GPLD1: variants seen among roughly 807,000 people sequenced by gnomAD.
The protein encoded by GPLD1 is glycosylphosphatidylinositol specific phospholipase D1.
A neutral mutation model predicts 112.6 loss-of-function variants in GPLD1; 84 were observed. That is an observed-to-expected ratio of 0.75 (90% CI 0.63 to 0.89). The LOEUF is 0.89. Ranked by LOEUF, GPLD1 falls within the 40% of genes least tolerant of loss-of-function variation. The probability of loss-of-function intolerance (pLI) is 0.00; values close to 1 mark genes in which losing one functional copy is unlikely to be tolerated. For missense variants in GPLD1, 1,044 were observed against 1,051.5 expected, an observed-to-expected ratio of 0.99 and a Z score of 0.10; for synonymous variants, 386 against 403.8, an observed-to-expected ratio of 0.96 and a Z score of 0.53.
Position 24,445,826 on chromosome 6 carries a change from C to A in GPLD1, c.1826G>T (p.Gly609Val), listed in dbSNP as rs773603377. The A allele has an allele frequency of 1.4e-5, 22 of 1,609,920 alleles. No individual in the cohort carries two copies. The highest frequency in any genetic ancestry group is 5.0e-5 in the Admixed American group (3 of 59,932). The stretch of plus-strand genomic sequence containing the variant: ...CTCATCTCGGATGTGTAACAAATGG[C>A]CCAGCCTAGAATGAAGCACACTGGG... ...SPTWKNASRLGHLLHIRDEKK... is the reference protein window; with the variant it reads ...SPTWKNASRLVHLLHIRDEKK... Residue 609 changes from glycine to valine, a missense_variant, in exon 19 of 25, where the codon GGC (glycine) becomes GTC (valine). Coordinates refer to ENST00000230036, the MANE Select transcript of GPLD1 (RefSeq NM_001503.4).
intron 13 of GPLD1, among the ~76,000 whole-genome samples, chr6:24,455,785 T>C (rs114595400): frequency 3.9e-4 from 60 of 152,346 alleles, no homozygotes; most frequent in African/African-American, 1.1e-3. Context: ...TCCTTTATTG[T>C]TGTGATTATT....
rs983616976 is a variant in GPLD1 at position 24,442,398 on chromosome 6, G to A, written c.2020+3148C>T. On this transcript the variant is annotated intron_variant, in intron 20 of 24. Coordinates refer to ENST00000230036, the MANE Select transcript of GPLD1 (RefSeq NM_001503.4). ...AGTCTGCTGAGTAGCTAGGACCAGA[G>A]GTGCATGCCACCACATCTGGCTAAT... Among the ~76,000 whole-genome samples the A allele has an allele frequency of 1.9e-4, 28 of 146,538 alleles. No individual in the cohort carries two copies. The East Asian group carries it at 2.3e-3, about 12-fold the overall frequency.
chr6:24,495,082 G>C lies in GPLD1; in HGVS notation n.124C>G, dbSNP rs768533338. 3.3e-5 allele frequency: 43 copies of C among 1,318,458 alleles called. No homozygotes were observed. Among genetic ancestry groups the C allele is most frequent in the Middle Eastern group, 2.8e-4 (1 of 3,512 alleles). The allele number at this position is 1,318,458 out of a possible 1,614,324, so 81.7% of individuals were successfully genotyped here. A position where few individuals can be genotyped will look rare whatever the true frequency, so the allele number is the denominator to read the frequency against. The stretch of plus-strand genomic sequence containing the variant: ...GGCTGCCGCCTCCGCCCCCGCGCCG[G>C]CGGCCTGGTCCCTGCCTCCGGGCCT... On this transcript the variant is annotated non_coding_transcript_exon_variant, in exon 1 of 11. Transcript: ENST00000474784.
chr6:24,439,751 G>T (rs1762687349), intron 20 of GPLD1, among the ~76,000 whole-genome samples: 1 of 152,072 alleles, frequency 6.6e-6, no homozygotes, highest in African/African-American at 2.4e-5. Flanking sequence ...AAGAACTTTG[G>T]CTTTTAAAAG....
intron 20 of GPLD1, among the ~76,000 whole-genome samples, chr6:24,439,691 G>A (rs570291881): frequency 6.6e-6 from 1 of 152,168 alleles, no homozygotes; most frequent in African/African-American, 2.4e-5. Context: ...AAAAACTCAA[G>A]GTAATGTTGT....
At chr6:24,454,337 A>C in intron 13 of GPLD1, 136 bp from the exon 14 acceptor site, 1 of 520,822 alleles carries the variant, frequency 1.9e-6, no homozygotes, top group Non-Finnish European at 3.3e-6. Flanking sequence ...ACTGTTGTGA[A>C]TATTCACTTC....
chr6:24,437,264 C>A lies in GPLD1; in HGVS notation c.2046G>T (p.Leu682=). The A allele has an allele frequency of 1.2e-6, 2 of 1,613,904 alleles. No individual in the cohort carries two copies. Among genetic ancestry groups the A allele is most frequent in the South Asian group, 2.2e-5 (2 of 91,018 alleles). ...TYDDVSKVAF[L]TVTLHQGGAT... is the part of the protein sequence containing the mutation. The stretch of plus-strand genomic sequence containing the variant: ...CTCCGCCTTGGTGTAGGGTCACGGT[C>A]AGGAATGCCACCTTAGACACGTCAT... Residue 682 remains leucine (L), a synonymous_variant, in exon 21 of 25, where the codon CTG becomes CTT. Transcript: ENST00000230036.
intron 7 of GPLD1, among the ~76,000 whole-genome samples, chr6:24,468,528 A>G (rs1344022909): frequency 6.6e-6 from 1 of 151,898 alleles, no homozygotes; most frequent in Non-Finnish European, 1.5e-5. Flanking sequence ...TCTGGACTGA[A>G]CCAATGGACA....
At chr6:24,429,287 T>C (rs762155698) in intron 24 of GPLD1, among the ~76,000 whole-genome samples, 169 bp from the exon 25 acceptor site, 26 of 152,218 alleles carry the variant, frequency 1.7e-4, no homozygotes, top group Non-Finnish European at 3.2e-4. Context: ...CAGACCGCTT[T>C]CTCACATCTA....
chr6:24,462,037 A>T (rs1393537134), intron 11 of GPLD1, among the ~76,000 whole-genome samples: 1 of 152,196 alleles, frequency 6.6e-6, no homozygotes, highest in Non-Finnish European at 1.5e-5. Context: ...GGCTTCTCCC[A>T]ACACTGTCTC....
chr6:24,480,046 C>A, intron 2 of GPLD1, 87 bp from the exon 3 acceptor site: 2 of 783,966 alleles, frequency 2.6e-6, no homozygotes, highest in South Asian at 2.9e-5. Context: ...TGATGAGATG[C>A]TAGAAATATG....
intron 10 of GPLD1, among the ~76,000 whole-genome samples, chr6:24,465,707 T>C (rs1441147180): frequency 3.9e-5 from 6 of 152,132 alleles, no homozygotes; most frequent in Non-Finnish European, 8.8e-5. Flanking sequence ...CTACCTTATC[T>C]ATATTTCGGC....
chr6:24,479,823 G>A (rs1279063150), intron 3 of GPLD1, 58 bp downstream of exon 3: 9 of 879,312 alleles, frequency 1.0e-5, no homozygotes, highest in South Asian at 9.2e-5. Context: ...TAAAGTCATA[G>A]CTATTCCTAT....
intron 2 of GPLD1, among the ~76,000 whole-genome samples, chr6:24,482,183 T>G (rs1764225892): frequency 7.0e-6 from 1 of 143,246 alleles, no homozygotes; most frequent in Non-Finnish European, 1.5e-5. Context: ...CACTGTAACC[T>G]CTGCCTTCCG....
intron 13 of GPLD1, among the ~76,000 whole-genome samples, chr6:24,454,706 C>A (rs1384899252): frequency 6.6e-6 from 1 of 152,212 alleles, no homozygotes. Context: ...TTAGTAGAGG[C>A]TCCTAGATGA....
downstream of GPLD1, chr6:24,424,204 T>G (rs1762151601): frequency 7.1e-6 from 1 of 140,606 alleles, no homozygotes; most frequent in South Asian, 2.3e-4. Context: ...ATAACCTTAT[T>G]TCTTGTATTT....
chr6:24,477,262 C>G (rs1764051872), intron 3 of GPLD1, among the ~76,000 whole-genome samples: 1 of 147,518 alleles, frequency 6.8e-6, no homozygotes, highest in African/African-American at 2.5e-5. Flanking sequence ...CCAGGACATA[C>G]TAGATGCTGA....
rs144365443 is a variant in GPLD1, at chr6:24,487,654, TAAG to T, written c.98-1527_98-1525del. ...AACTGCAAGACACTTTAGAATTCTTTAAGAAGTTCAACCCCCTCATTTTATAGA... is the reference window on the plus strand; with the variant it reads ...AACTGCAAGACACTTTAGAATTCTTTAAGTTCAACCCCCTCATTTTATAGA... On this transcript the variant is annotated intron_variant, in intron 1 of 24. Transcript: ENST00000230036. Among the ~76,000 whole-genome samples the T allele has an allele frequency of 3.6e-3, 543 of 152,324 alleles. 1 individual carries two copies. The highest frequency in any genetic ancestry group is 0.012 in the African/African-American group (506 of 41,580).
At chr6:24,445,287 A>G (rs1253190110) in intron 20 of GPLD1, among the ~76,000 whole-genome samples, 1 of 152,180 alleles carries the variant, frequency 6.6e-6, no homozygotes, top group Non-Finnish European at 1.5e-5. Context: ...TTGGCCTCCC[A>G]AAGTGCTGGG....
Sources: gnomAD v4.1 joint callset for allele counts (sites outside exome capture counted in the v4.1 genomes callset) on GRCh38, gnomAD v4.1.1 for gene constraint, MANE v1.5 for transcripts, NCBI Gene and HGNC (gene_info 2026-07-23, HGNC 2026-07-21) for gene names.